The following ANXA4 variants were observed in gnomAD, a reference collection of about 807,000 sequenced individuals.
The protein encoded by ANXA4 is 35-beta calcimedin.
A neutral mutation model predicts 49.8 loss-of-function variants in ANXA4; 39 were observed. That is an observed-to-expected ratio of 0.78 (90% CI 0.61 to 1.02). The LOEUF is 1.02. ANXA4 is among the 50% of genes least tolerant of loss of function. The pLI, the probability that ANXA4 is intolerant of heterozygous loss-of-function variation, is 0.00. For synonymous variants in ANXA4, 134 were observed against 152.5 expected, an observed-to-expected ratio of 0.88 and a Z score of 0.89; for missense variants, 360 against 410.1, an observed-to-expected ratio of 0.88 and a Z score of 1.05.
intron 1 of ANXA4, among the ~76,000 whole-genome samples, chr2:69,651,474 C>T (rs1323462961): frequency 1.3e-5 from 2 of 152,076 alleles, no homozygotes; most frequent in East Asian, 3.9e-4. Flanking sequence ...TCATATATTA[C>T]CTGTTTTTTA....
intron 2 of ANXA4, among the ~76,000 whole-genome samples, chr2:69,697,075 T>C (rs1037144859): frequency 6.6e-6 from 1 of 152,232 alleles, no homozygotes; most frequent in South Asian, 2.1e-4. Flanking sequence ...AGGCATTGAC[T>C]TCTCTCTAGC....
At chr2:69,797,001 TA>T (rs35067394) in intron 3 of ANXA4, among the ~76,000 whole-genome samples, 40,184 of 151,974 alleles carry the variant, frequency 0.26, 5,782 homozygotes, top group Admixed American at 0.45. Context: ...AATTGATGGA[TA>T]AGATTAAAAT....
intron 2 of ANXA4, among the ~76,000 whole-genome samples, chr2:69,670,830 G>A (rs1054130983): frequency 1.3e-5 from 2 of 151,890 alleles, no homozygotes; most frequent in Non-Finnish European, 2.9e-5. Flanking sequence ...TTTGAGACCA[G>A]CCTGAGCAAC....
intron 12 of ANXA4, 119 bp downstream of exon 12, chr2:69,820,940 G>A: frequency 9.0e-7 from 1 of 1,115,238 alleles, no homozygotes; most frequent in Non-Finnish European, 1.2e-6. Flanking sequence ...TAAAGATTAT[G>A]CTCCCGATAT....
chr2:69,671,235 A>G (rs1349706070), intron 2 of ANXA4, among the ~76,000 whole-genome samples: 1 of 152,160 alleles, frequency 6.6e-6, no homozygotes, highest in Non-Finnish European at 1.5e-5. Context: ...CATTAAAATC[A>G]ATAACTTTTG....
chr2:69,820,569 A>T (rs895747127), intron 11 of ANXA4, 130 bp from the exon 12 acceptor site: 1 of 1,041,316 alleles, frequency 9.6e-7, no homozygotes, highest in Non-Finnish European at 1.4e-6. Flanking sequence ...GATATTCCTC[A>T]GGCCTGCCAA....
chr2:69,812,302 A>G (rs1248158963), intron 7 of ANXA4, among the ~76,000 whole-genome samples: 1 of 152,056 alleles, frequency 6.6e-6, no homozygotes, highest in East Asian at 1.9e-4. Context: ...TGATCAATGT[A>G]GATTTGCCAG....
chr2:69,799,605 A>G (rs910091376), intron 3 of ANXA4, among the ~76,000 whole-genome samples: 7 of 152,152 alleles, frequency 4.6e-5, no homozygotes, highest in African/African-American at 1.7e-4. Flanking sequence ...TTTGCCTCCT[A>G]TAACACTGGT....
At chr2:69,771,007 T>C (rs1413296644) in intron 1 of ANXA4, among the ~76,000 whole-genome samples, 1 of 145,822 alleles carries the variant, frequency 6.9e-6, no homozygotes, top group Non-Finnish European at 1.5e-5. Flanking sequence ...GGCGGCAGGA[T>C]CTCTTGAGCT....
Position 69,825,835 on chromosome 2 carries a change from ATT to A in ANXA4, c.*323_*324del, listed in dbSNP as rs1293463232. The A allele has an allele frequency of 6.1e-5, 12 of 195,224 alleles. No homozygotes were observed. The highest frequency in any genetic ancestry group is 1.2e-4 in the Non-Finnish European group (12 of 97,260). The allele number at this position is 195,224 out of a possible 1,614,324, so 12.1% of individuals were successfully genotyped here. On this transcript the variant is annotated 3_prime_UTR_variant, in exon 13 of 13. Transcript: ENST00000394295. The stretch of plus-strand genomic sequence containing the variant: ...CATTGAATATATTAAATTATTCCAT[ATT>A]TTCTTTTCAGTGAAAAATTTTTTAA...
chr2:69,816,001 A>C, intron 8 of ANXA4, 100 bp from the exon 9 acceptor site: 1 of 918,622 alleles, frequency 1.1e-6, no homozygotes, highest in Non-Finnish European at 1.7e-6. Flanking sequence ...CCAACAAAAT[A>C]AAACTAAGCC....
intron 1 of ANXA4, among the ~76,000 whole-genome samples, chr2:69,755,105 C>T (rs1010133417): frequency 1.3e-5 from 2 of 152,162 alleles, no homozygotes; most frequent in East Asian, 1.9e-4. Flanking sequence ...ATAAATGTTA[C>T]GTGATTCCAC....
chr2:69,685,980 A>G (rs992156705), intron 2 of ANXA4, among the ~76,000 whole-genome samples: 2 of 152,190 alleles, frequency 1.3e-5, no homozygotes, highest in African/African-American at 4.8e-5. Context: ...GCATGCCATT[A>G]TGTGGTATTT....
At chr2:69,649,523 T>C (rs950404857) in intron 1 of ANXA4, among the ~76,000 whole-genome samples, 1 of 151,496 alleles carries the variant, frequency 6.6e-6, no homozygotes, top group Non-Finnish European at 1.5e-5. Context: ...TGTCAAATGT[T>C]TTATTTTTAA....
chr2:69,782,914 A>C (rs1160117139), intron 2 of ANXA4, among the ~76,000 whole-genome samples: 1 of 152,260 alleles, frequency 6.6e-6, no homozygotes, highest in Non-Finnish European at 1.5e-5. Context: ...CATTTTAAAA[A>C]GAAAATCACA....
intron 2 of ANXA4, among the ~76,000 whole-genome samples, chr2:69,665,958 A>G (rs1676916559): frequency 6.6e-6 from 1 of 152,200 alleles, no homozygotes. Flanking sequence ...TAATCCCAGC[A>G]CTTTGGGAGC....
chr2:69,668,670 G>C (rs1284303071), intron 2 of ANXA4, among the ~76,000 whole-genome samples: 1 of 152,140 alleles, frequency 6.6e-6, no homozygotes, highest in Admixed American at 6.5e-5. Context: ...TTCACTGAGT[G>C]ATATGTAAAA....
intron 3 of ANXA4, among the ~76,000 whole-genome samples, chr2:69,736,614 G>A (rs1164492906): frequency 1.3e-5 from 2 of 151,878 alleles, no homozygotes; most frequent in Non-Finnish European, 2.9e-5. Flanking sequence ...AAAGTTTCTT[G>A]GTTTATGTCC....
chr2:69,676,002 G>C (rs1371599315), intron 2 of ANXA4, among the ~76,000 whole-genome samples: 6 of 145,048 alleles, frequency 4.1e-5, no homozygotes, highest in African/African-American at 1.5e-4. Context: ...GCAAGACTCT[G>C]TCTCAAAAAA....
Sources: gnomAD v4.1 joint callset for allele counts (sites outside exome capture counted in the v4.1 genomes callset) on GRCh38, gnomAD v4.1.1 for gene constraint, MANE v1.5 for transcripts, NCBI Gene and HGNC (gene_info 2026-07-23, HGNC 2026-07-21) for gene names.